Variants in NELL1 observed in about 807,000 individuals in gnomAD.
NELL1 encodes neural EGFL like 1.
A neutral mutation model predicts 107.4 loss-of-function variants in NELL1; 76 were observed. That is an observed-to-expected ratio of 0.71 (90% CI 0.59 to 0.86). The LOEUF (loss-of-function observed/expected upper bound fraction) is 0.86. Among genes scored for constraint, NELL1 ranks in the 40% least tolerant of loss-of-function variants. The pLI is 0.00. For synonymous variants in NELL1, 353 were observed against 341.2 expected, an observed-to-expected ratio of 1.03 and a Z score of -0.38; for missense variants, 1,024 against 1,005.5, an observed-to-expected ratio of 1.02 and a Z score of -0.25.
intron 13 of NELL1, among the ~76,000 whole-genome samples, chr11:21,129,793 G>A (rs1220702852): frequency 6.6e-6 from 1 of 152,184 alleles, no homozygotes; most frequent in Admixed American, 6.5e-5. Flanking sequence ...TGGGTATAGG[G>A]CATTAGTTTT....
rs1855824709 is a variant in NELL1, at chr11:21,525,371, C to T, written c.1646-9003C>T. Among the ~76,000 whole-genome samples the T allele has an allele frequency of 2.0e-5, 3 of 152,274 alleles. No individual in the cohort carries two copies. In the South Asian group the frequency reaches 6.2e-4, roughly 32 times the overall value. Reference sequence around the variant, plus strand: ...ATCACCAGATATTTTATGAGACAATCAGTTGACTTTGCGGAGATTGTTCAT... The same window carrying T: ...ATCACCAGATATTTTATGAGACAATTAGTTGACTTTGCGGAGATTGTTCAT... On this transcript the variant is annotated intron_variant, in intron 15 of 19. Transcript: ENST00000357134.
chr11:20,818,257 G>T (rs1464145985), intron 3 of NELL1, among the ~76,000 whole-genome samples: 4 of 152,074 alleles, frequency 2.6e-5, no homozygotes, highest in African/African-American at 9.7e-5. Context: ...GTGAATCTGG[G>T]TGCTCCATTT....
intron 13 of NELL1, among the ~76,000 whole-genome samples, chr11:21,120,949 G>C (rs186301429): frequency 6.6e-6 from 1 of 152,148 alleles, no homozygotes; most frequent in East Asian, 1.9e-4. Context: ...GAGGAGGAAT[G>C]CTACTGTACC....
intron 2 of NELL1, among the ~76,000 whole-genome samples, chr11:20,727,881 C>G (rs1855544551): frequency 6.6e-6 from 1 of 152,172 alleles, no homozygotes; most frequent in African/African-American, 2.4e-5. Context: ...AATCTCCTAA[C>G]TGCTTTCCAC....
chr11:21,321,234 A>G (rs1850002394), intron 14 of NELL1, among the ~76,000 whole-genome samples: 1 of 152,142 alleles, frequency 6.6e-6, no homozygotes, highest in East Asian at 1.9e-4. Flanking sequence ...ACAGGTGCTC[A>G]TTGTGGGCCT....
At chr11:21,265,440 T>C (rs1590786035) in intron 14 of NELL1, among the ~76,000 whole-genome samples, 1 of 152,034 alleles carries the variant, frequency 6.6e-6, no homozygotes, top group East Asian at 1.9e-4. Flanking sequence ...AATCTGGCTC[T>C]CCACAGTTTT....
intron 3 of NELL1, among the ~76,000 whole-genome samples, chr11:20,846,287 G>A (rs1848700307): frequency 6.6e-6 from 1 of 152,106 alleles, no homozygotes; most frequent in African/African-American, 2.4e-5. Flanking sequence ...CAAGAAATAT[G>A]TATTTGTTCT....
At chr11:20,755,543 T>TTTTTTATTTTTTATTA (rs1564894955) in intron 2 of NELL1, among the ~76,000 whole-genome samples, 2 of 39,318 alleles carry the variant, frequency 5.1e-5, no homozygotes, top group East Asian at 2.3e-3. Context: ...GGTTTTTGTT[T>TTTTTTATTTTTTATTA]TTTTTTGTTT....
chr11:21,243,840 A>AT (rs1370730020), intron 14 of NELL1, among the ~76,000 whole-genome samples: 4 of 150,986 alleles, frequency 2.6e-5, no homozygotes, highest in Admixed American at 6.6e-5. Flanking sequence ...GTTTAAATTA[A>AT]TTAAAAAAAA....
At chr11:21,452,950 T>C (rs1226714728) in intron 15 of NELL1, among the ~76,000 whole-genome samples, 2 of 151,960 alleles carry the variant, frequency 1.3e-5, no homozygotes, top group East Asian at 3.9e-4. Context: ...TTTAAAAATT[T>C]CTTAATATTT....
intron 13 of NELL1, among the ~76,000 whole-genome samples, chr11:21,118,708 A>C (rs1296864892): frequency 6.6e-6 from 1 of 151,994 alleles, no homozygotes; most frequent in African/African-American, 2.4e-5. Flanking sequence ...ATTTCCAAAG[A>C]CCATTCTAGT....
intron 14 of NELL1, among the ~76,000 whole-genome samples, chr11:21,350,471 T>A (rs1850783968): frequency 6.6e-6 from 1 of 152,208 alleles, no homozygotes; most frequent in South Asian, 2.1e-4. Context: ...CATATGTTTA[T>A]AATTTCATCC....
At chr11:21,458,195 G>A (rs1304327559) in intron 15 of NELL1, among the ~76,000 whole-genome samples, 1 of 152,148 alleles carries the variant, frequency 6.6e-6, no homozygotes, top group Non-Finnish European at 1.5e-5. Context: ...GGGAAGAGTT[G>A]AAAATTTAGC....
At chr11:20,796,631 T>A (rs952021017) in intron 3 of NELL1, among the ~76,000 whole-genome samples, 2 of 152,186 alleles carry the variant, frequency 1.3e-5, no homozygotes, top group Non-Finnish European at 2.9e-5. Context: ...AGAGAGTCTT[T>A]AGAGTTAGGA....
At chr11:20,849,077 C>G (rs1012232847) in intron 4 of NELL1, among the ~76,000 whole-genome samples, 3 of 152,132 alleles carry the variant, frequency 2.0e-5, no homozygotes, top group African/African-American at 7.2e-5. Context: ...GCTCATTGCC[C>G]CCTTCAATTC....
At chr11:20,964,009 C>G (rs1413843666) in intron 12 of NELL1, among the ~76,000 whole-genome samples, 1 of 152,110 alleles carries the variant, frequency 6.6e-6, no homozygotes, top group Non-Finnish European at 1.5e-5. Context: ...AGCTGAACTC[C>G]TGGCCAATCA....
chr11:20,700,462 G>A (rs966008623), intron 2 of NELL1, among the ~76,000 whole-genome samples: 1 of 151,772 alleles, frequency 6.6e-6, no homozygotes, highest in Admixed American at 6.6e-5. Flanking sequence ...CTGAGCAACA[G>A]AGTGAGACTC....
At chr11:21,036,019 A>G (rs1451327193) in intron 12 of NELL1, among the ~76,000 whole-genome samples, 2 of 152,206 alleles carry the variant, frequency 1.3e-5, no homozygotes, top group East Asian at 1.9e-4. Context: ...TCTTAAGCTG[A>G]TAAACAACTT....
At chr11:20,765,925 TTTA>T (rs1856520424) in intron 2 of NELL1, among the ~76,000 whole-genome samples, 1 of 152,252 alleles carries the variant, frequency 6.6e-6, no homozygotes, top group Non-Finnish European at 1.5e-5. Context: ...CCAGAACTTT[TTTA>T]TTTTGCAAAA....
Sources: allele counts gnomAD v4.1 joint callset (sites outside exome capture counted in the v4.1 genomes callset), GRCh38; gene constraint gnomAD v4.1.1; transcripts MANE v1.5; gene names NCBI Gene and HGNC (gene_info 2026-07-23, HGNC 2026-07-21).